The following WWOX variants were observed in gnomAD, a reference collection of about 807,000 sequenced individuals.
WWOX encodes WW domain-containing oxidoreductase.
In WWOX, 69 loss-of-function variants were observed where a neutral mutation model predicts 46.2. That is an observed-to-expected ratio of 1.49 (90% confidence interval 1.23 to 1.82). The LOEUF is 1.82. Ranked by LOEUF, WWOX falls within the 40% of genes most tolerant of loss-of-function variation. The pLI is 0.00. For synonymous variants in WWOX, 359 were observed against 202.6 expected (o/e 1.77, Z -6.56); for missense variants, 919 against 542.6 (o/e 1.69, Z -6.89).
At chr16:78,888,450 A>G (rs1487722006) in intron 8 of WWOX, among the ~76,000 whole-genome samples, 1 of 152,156 alleles carries the variant, frequency 6.6e-6, no homozygotes. Flanking sequence ...TTAGTTTCTC[A>G]CATCCTGAGG....
At chr16:78,600,546 C>T (rs1377831155) in intron 8 of WWOX, among the ~76,000 whole-genome samples, 1 of 152,142 alleles carries the variant, frequency 6.6e-6, no homozygotes, top group Admixed American at 6.5e-5. Flanking sequence ...GATACCACTT[C>T]TCCTAGGGAT....
intron 5 of WWOX, among the ~76,000 whole-genome samples, chr16:78,299,378 C>T (rs1045775694): frequency 3.3e-5 from 5 of 152,150 alleles, no homozygotes; most frequent in Non-Finnish European, 5.9e-5. Flanking sequence ...TGATTACCTA[C>T]ATTTATTAAT....
intron 5 of WWOX, among the ~76,000 whole-genome samples, chr16:78,377,382 A>T (rs2081854808): frequency 6.6e-6 from 1 of 152,224 alleles, no homozygotes; most frequent in African/African-American, 2.4e-5. Context: ...CAGCTATTTT[A>T]TATGCCATTA....
At chr16:78,965,196 T>C (rs1012604602) in intron 8 of WWOX, among the ~76,000 whole-genome samples, 2 of 152,248 alleles carry the variant, frequency 1.3e-5, no homozygotes, top group African/African-American at 4.8e-5. Flanking sequence ...AAACCTCATA[T>C]GTTTCCATCA....
chr16:78,826,125 C>G (rs1232209637), intron 8 of WWOX: 2 of 278,176 alleles, frequency 7.2e-6, no homozygotes, highest in Non-Finnish European at 1.3e-5. Context: ...GGAGTCAAGA[C>G]AGGCCGATCA....
At chr16:79,084,403 G>T (rs2048817060) in intron 8 of WWOX, among the ~76,000 whole-genome samples, 2 of 152,034 alleles carry the variant, frequency 1.3e-5, no homozygotes, top group Non-Finnish European at 2.9e-5. Flanking sequence ...TCCTAAAATG[G>T]TGATAACAGC....
At chr16:78,172,719 T>C (rs957701601) in intron 5 of WWOX, among the ~76,000 whole-genome samples, 1 of 152,050 alleles carries the variant, frequency 6.6e-6, no homozygotes, top group African/African-American at 2.4e-5. Context: ...AAGTCAAGCA[T>C]AGGTGGCTGG....
At chr16:78,306,231 C>G (rs1379644853) in intron 5 of WWOX, among the ~76,000 whole-genome samples, 1 of 152,126 alleles carries the variant, frequency 6.6e-6, no homozygotes, top group East Asian at 1.9e-4. Context: ...GATTTGGGAA[C>G]CGCATTTATG....
intron 5 of WWOX, among the ~76,000 whole-genome samples, chr16:78,195,222 T>G (rs974815292): frequency 6.6e-6 from 1 of 152,292 alleles, no homozygotes; most frequent in South Asian, 2.1e-4. Flanking sequence ...TTGAGCACTA[T>G]GACCTGTGTG....
chr16:78,914,655 A>G (rs537900570), intron 8 of WWOX, among the ~76,000 whole-genome samples: 4 of 151,908 alleles, frequency 2.6e-5, no homozygotes, highest in East Asian at 3.9e-4. Flanking sequence ...GGAGGCGGGC[A>G]GATCACGAGG....
intron 5 of WWOX, among the ~76,000 whole-genome samples, chr16:78,306,332 C>G (rs1478169830): frequency 1.3e-5 from 2 of 152,108 alleles, no homozygotes; most frequent in Non-Finnish European, 2.9e-5. Flanking sequence ...CAGTGTGTTT[C>G]CATGGGTTGT....
At chr16:79,153,396 C>T (rs374436597) in intron 8 of WWOX, among the ~76,000 whole-genome samples, 1 of 152,148 alleles carries the variant, frequency 6.6e-6, no homozygotes, top group African/African-American at 2.4e-5. Context: ...TGGGTACTTA[C>T]TTAGGGAACT....
chr16:78,272,888 A>T lies in WWOX; in HGVS notation c.516+108599A>T, dbSNP rs117367523. ...TCATTTTGGTCTGCCTTTCACCCCC[A>T]CAAGACAACATCCTTAACAGCAGCT... On this transcript the variant is annotated intron_variant, in intron 5 of 8. Transcript: ENST00000566780. Among the ~76,000 whole-genome samples, 1,117 of 152,246 alleles carry T rather than the reference A, an allele frequency of 7.3e-3. 11 individuals carry two copies. The highest frequency in any genetic ancestry group is 0.02 in the Middle Eastern group (6 of 294).
intron 8 of WWOX, among the ~76,000 whole-genome samples, chr16:78,819,146 G>C (rs1055634521): frequency 1.3e-5 from 2 of 152,216 alleles, no homozygotes; most frequent in African/African-American, 2.4e-5. Context: ...GTTGGCCACT[G>C]CTGTTCAGTT....
intron 8 of WWOX, among the ~76,000 whole-genome samples, chr16:78,572,719 T>C (rs909680675): frequency 6.7e-6 from 1 of 149,288 alleles, no homozygotes; most frequent in Non-Finnish European, 1.5e-5. Flanking sequence ...TTGATAAAAC[T>C]ATAAAGAAAA....
intron 8 of WWOX, among the ~76,000 whole-genome samples, chr16:78,770,906 C>G (rs1279795028): frequency 6.6e-6 from 1 of 152,160 alleles, no homozygotes; most frequent in East Asian, 1.9e-4. Flanking sequence ...ATAGGCAGAG[C>G]GAGGAGCGTA....
chr16:78,756,445 A>G (rs1476551416), intron 8 of WWOX, among the ~76,000 whole-genome samples: 1 of 152,176 alleles, frequency 6.6e-6, no homozygotes, highest in East Asian at 1.9e-4. Context: ...TCAGTCTGGG[A>G]TTCCAGAAAA....
intron 8 of WWOX, among the ~76,000 whole-genome samples, chr16:79,030,450 C>A (rs556302848): frequency 1.3e-5 from 2 of 152,152 alleles, no homozygotes; most frequent in African/African-American, 4.8e-5. Context: ...GCCTTTTGAT[C>A]TGCACGGGCA....
rs73581231 is a variant in WWOX, at chr16:78,906,559, G to C, written c.1057-305049G>C. Among the ~76,000 whole-genome samples the C allele has an allele frequency of 4.2e-3, 641 of 152,246 alleles. 6 individuals are homozygous for C. The highest frequency in any genetic ancestry group is 0.015 in the African/African-American group (621 of 41,544). On this transcript the variant is annotated intron_variant, in intron 8 of 8. Coordinates refer to ENST00000566780, the MANE Select transcript of WWOX (RefSeq NM_016373.4). The stretch of plus-strand genomic sequence containing the variant: ...TAGTCCACGGCTTCCAAAGAGAACT[G>C]CATAAATATACATCTTTCAGGGGAA...
Sources: gnomAD v4.1 joint callset for allele counts (sites outside exome capture counted in the v4.1 genomes callset) on GRCh38, gnomAD v4.1.1 for gene constraint, MANE v1.5 for transcripts, NCBI Gene and HGNC (gene_info 2026-07-23, HGNC 2026-07-21) for gene names.